FAM222A: variants seen among roughly 807,000 people sequenced by gnomAD.
FAM222A encodes the protein family with sequence similarity 222 member A.
FAM222A carries 7 observed loss-of-function variants against 25.8 expected under a neutral mutation model. That is an observed-to-expected ratio of 0.27 (90% CI 0.15 to 0.51). FAM222A has a LOEUF of 0.51. Ranked by LOEUF, FAM222A falls within the 20% of genes least tolerant of loss-of-function variation. The pLI is 0.97. For missense variants in FAM222A, 573 were observed against 640.5 expected, an observed-to-expected ratio of 0.89 and a Z score of 1.14; for synonymous variants, 294 against 298.8, an observed-to-expected ratio of 0.98 and a Z score of 0.17.
intron 2 of FAM222A, among the ~76,000 whole-genome samples, chr12:109,745,640 G>A (rs1410954846): frequency 6.6e-6 from 1 of 152,180 alleles, no homozygotes; most frequent in Non-Finnish European, 1.5e-5. Flanking sequence ...CACCTGGGCA[G>A]TGACAATAGG....
intron 1 of FAM222A, among the ~76,000 whole-genome samples, chr12:109,724,997 C>T (rs74586004): frequency 0.016 from 2,498 of 152,210 alleles, 66 homozygotes; most frequent in African/African-American, 0.057. Context: ...GAATGATGAA[C>T]TCCATTCTAC....
At chr12:109,759,233 G>A (rs922806012) in intron 2 of FAM222A, among the ~76,000 whole-genome samples, 1 of 152,202 alleles carries the variant, frequency 6.6e-6, no homozygotes, top group Non-Finnish European at 1.5e-5. Context: ...TCAAATGGGG[G>A]CAGCCCCAGA....
chr12:109,766,576 A>G (rs1311817446), intron 2 of FAM222A, among the ~76,000 whole-genome samples: 1 of 152,202 alleles, frequency 6.6e-6, no homozygotes, highest in Non-Finnish European at 1.5e-5. Context: ...TAACCAGCCA[A>G]TGAGGTGGGC....
chr12:109,730,069 C>T (rs1887917560), intron 1 of FAM222A, among the ~76,000 whole-genome samples: 1 of 152,326 alleles, frequency 6.6e-6, no homozygotes, highest in South Asian at 2.1e-4. Flanking sequence ...GCCAAGGCCT[C>T]AGTCTGCCTT....
chr12:109,756,776 A>G (rs1032918118), intron 2 of FAM222A, among the ~76,000 whole-genome samples: 1 of 152,166 alleles, frequency 6.6e-6, no homozygotes, highest in Non-Finnish European at 1.5e-5. Context: ...TTTTGCATCT[A>G]TATTCATAAT....
At chr12:109,760,837 G>C (rs1386692415) in intron 2 of FAM222A, among the ~76,000 whole-genome samples, 2 of 152,198 alleles carry the variant, frequency 1.3e-5, no homozygotes, top group African/African-American at 4.8e-5. Flanking sequence ...GGTTCCAGGG[G>C]CCTGCGGGAA....
At chr12:109,718,428 G>A (rs1427336303) in intron 1 of FAM222A, among the ~76,000 whole-genome samples, 2 of 152,004 alleles carry the variant, frequency 1.3e-5, no homozygotes, top group African/African-American at 2.4e-5. Context: ...CTCACAAACC[G>A]GAGGAAGGCA....
intron 1 of FAM222A, among the ~76,000 whole-genome samples, chr12:109,726,677 T>C (rs1237953091): frequency 6.6e-6 from 1 of 152,190 alleles, no homozygotes; most frequent in Admixed American, 6.5e-5. Context: ...ACCAACGGGA[T>C]GTGGACCTTG....
chr12:109,750,517 C>T (rs1428237395), intron 2 of FAM222A, among the ~76,000 whole-genome samples: 1 of 152,036 alleles, frequency 6.6e-6, no homozygotes, highest in Non-Finnish European at 1.5e-5. Flanking sequence ...TTCTTTCTTC[C>T]TTCCTTTCTC....
chr12:109,719,385 T>C (rs1472235727), intron 1 of FAM222A, among the ~76,000 whole-genome samples: 1 of 152,068 alleles, frequency 6.6e-6, no homozygotes, highest in East Asian at 1.9e-4. Context: ...AGCTTCCCAC[T>C]CCTCTTCCCA....
intron 1 of FAM222A, among the ~76,000 whole-genome samples, chr12:109,732,999 G>A (rs1887983978): frequency 6.6e-6 from 1 of 152,170 alleles, no homozygotes; most frequent in Admixed American, 6.5e-5. Flanking sequence ...CTGTGGTGAT[G>A]GGACAATGGC....
chr12:109,746,747 C>G (rs369955919), intron 2 of FAM222A, among the ~76,000 whole-genome samples: 3 of 152,162 alleles, frequency 2.0e-5, no homozygotes, highest in African/African-American at 7.2e-5. Context: ...TTCATCACCT[C>G]AAGAAGAAAA....
At chr12:109,764,345 C>T (rs571713101) in intron 2 of FAM222A, among the ~76,000 whole-genome samples, 2 of 152,284 alleles carry the variant, frequency 1.3e-5, no homozygotes, top group South Asian at 4.1e-4. Flanking sequence ...TCAATGAGCC[C>T]TGTTGACCAC....
intron 1 of FAM222A, among the ~76,000 whole-genome samples, chr12:109,730,781 C>T (rs1430970035): frequency 1.3e-5 from 2 of 152,194 alleles, no homozygotes; most frequent in African/African-American, 2.4e-5. Context: ...CACTTGGGGC[C>T]TTGTCCCTGG....
chr12:109,733,838 A>T (rs1054054457), intron 1 of FAM222A, among the ~76,000 whole-genome samples: 1 of 152,192 alleles, frequency 6.6e-6, no homozygotes, highest in African/African-American at 2.4e-5. Context: ...AGCGTGTCTG[A>T]GCAGGATCAG....
chr12:109,750,944 C>T (rs1888543488), intron 2 of FAM222A, among the ~76,000 whole-genome samples: 1 of 152,024 alleles, frequency 6.6e-6, no homozygotes, highest in Non-Finnish European at 1.5e-5. Context: ...AGTTACTTGA[C>T]AAGGATGTGT....
intron 1 of FAM222A, among the ~76,000 whole-genome samples, chr12:109,722,144 G>C (rs770623487): frequency 6.6e-6 from 1 of 152,208 alleles, no homozygotes; most frequent in Non-Finnish European, 1.5e-5. Context: ...GAACGTCCGG[G>C]TGGAGGGAAC....
intron 2 of FAM222A, among the ~76,000 whole-genome samples, chr12:109,762,062 A>C (rs748129369): frequency 5.3e-5 from 8 of 151,756 alleles, no homozygotes; most frequent in Non-Finnish European, 1.0e-4. Context: ...CCTCCCTCCA[A>C]TCTGTACTCC....
chr12:109,759,725 G>A (rs1888836971), intron 2 of FAM222A, among the ~76,000 whole-genome samples: 1 of 152,178 alleles, frequency 6.6e-6, no homozygotes, highest in South Asian at 2.1e-4. Context: ...GAGCACCCTG[G>A]CTTCTGCACG....
Sources: gnomAD v4.1 joint callset for allele counts (sites outside exome capture counted in the v4.1 genomes callset) on GRCh38, gnomAD v4.1.1 for gene constraint, MANE v1.5 for transcripts, NCBI Gene and HGNC (gene_info 2026-07-23, HGNC 2026-07-21) for gene names.